The following ESPL1 variants were observed in gnomAD, a reference collection of about 807,000 sequenced individuals.
ESPL1 encodes separin.
A neutral mutation model predicts 217.2 loss-of-function variants in ESPL1; 50 were observed. That is an observed-to-expected ratio of 0.23 (90% CI 0.18 to 0.29). The LOEUF (loss-of-function observed/expected upper bound fraction) is 0.29, where lower values mean the gene tolerates loss of function less well. Ranked by LOEUF, ESPL1 falls within the 10% of genes least tolerant of loss-of-function variation. ESPL1 has a pLI of 1.00. For synonymous variants in ESPL1, 994 were observed against 1,081.3 expected, an observed-to-expected ratio of 0.92 and a Z score of 1.58; for missense variants, 1,834 against 2,603.0, an observed-to-expected ratio of 0.70 and a Z score of 6.43.
rs1053326431 is a variant in ESPL1, at chr12:53,269,611, G to C, written c.669G>C (p.Leu223=). The C allele has an allele frequency of 6.2e-7, 1 of 1,614,258 alleles. No homozygotes were observed. ...CAGATGCTGATTTCCTAGATGACCT[G>C]CTCTCCAGGCACGTGATCAGAGCCT... ...NEADADFLDD[L]LSRHVIRALV... The change falls in exon 3 of 31, where the codon CTG becomes CTC. Residue 223 remains leucine (L), a synonymous_variant. Coordinates refer to ENST00000257934, the MANE Select transcript of ESPL1 (RefSeq NM_012291.5). The surrounding 1 kb of genome is among the most constrained non-coding windows in gnomAD (Gnocchi z 6.7).
At chr12:53,281,757 T>C in intron 13 of ESPL1, 131 bp downstream of exon 13, 32 of 853,096 alleles carry the variant, frequency 3.8e-5, no homozygotes, top group South Asian at 1.3e-4. Flanking sequence ...GAGGCAGGCA[T>C]ATTTCCTAGC....
Position 53,279,719 on chromosome 12 carries a change from T to C in ESPL1, c.2365-13T>C. ...GCAGGGGTGGAGTAAACTTGGCTGC[T>C]TCTGCTGACCAGCCCATGCAGGCTC... On this transcript the variant is annotated splice_polypyrimidine_tract_variant and intron_variant, in intron 11 of 30. Transcript: ENST00000257934. The C allele has an allele frequency of 6.2e-7, 1 of 1,614,082 alleles. No individual in the cohort carries two copies. The highest frequency in any genetic ancestry group is 1.3e-5 in the African/African-American group (1 of 75,054).
In ESPL1 at chr12:53,269,987, C is replaced by A; in HGVS notation, c.1045C>A (p.Arg349=). Residue 349 remains arginine (R), a synonymous_variant, in exon 3 of 31, where the codon CGA becomes AGA. Coordinates refer to ENST00000257934, the MANE Select transcript of ESPL1 (RefSeq NM_012291.5). This position sits in a 1 kb window ranked among gnomAD's most constrained non-coding sequence, Gnocchi z 6.7. ...SCQFFLSGLE[R]GTKRRYRLDA... Reference sequence around the variant, plus strand: ...CCAGTTCTTCCTTTCAGGCCTGGAACGAGGCACCAAGAGGCGCTATAGACT... The same window carrying A: ...CCAGTTCTTCCTTTCAGGCCTGGAAAGAGGCACCAAGAGGCGCTATAGACT... The A allele has an allele frequency of 6.2e-7, 1 of 1,614,192 alleles. No individual in the cohort carries two copies. Among genetic ancestry groups the A allele is most frequent in the Non-Finnish European group, 8.5e-7 (1 of 1,180,036 alleles).
At chr12:53,284,386 C>T (rs1943911299) in intron 17 of ESPL1, among the ~76,000 whole-genome samples, 1 of 152,126 alleles carries the variant, frequency 6.6e-6, no homozygotes, top group African/African-American at 2.4e-5. Flanking sequence ...TCCCAAGTAG[C>T]TGGGACTACA....
chr12:53,268,994 A>C, intron 2 of ESPL1, 30 bp from the exon 3 acceptor site: 1 of 1,571,552 alleles, frequency 6.4e-7, no homozygotes, highest in Non-Finnish European at 8.7e-7. Flanking sequence ...TGCCTTTGCT[A>C]GCCCCATTCA....
At chr12:53,276,991 G>GGCGA in intron 8 of ESPL1, 92 bp from the exon 9 acceptor site, 1 of 1,563,404 alleles carries the variant, frequency 6.4e-7, no homozygotes, top group East Asian at 2.3e-5. Context: ...ACATGCAAAG[G>GGCGA]GCGAGGCCAG....
intron 4 of ESPL1, 68 bp downstream of exon 4, chr12:53,270,550 A>G (rs765538371): frequency 1.2e-4 from 26 of 225,600 alleles, no homozygotes; most frequent in Non-Finnish European, 1.3e-4. Context: ...CTGCCCTCAA[A>G]CAGCTTTGGG....
intron 1 of ESPL1, 48 bp from the exon 2 acceptor site, chr12:53,268,707 C>T: frequency 8.7e-7 from 1 of 1,152,442 alleles, no homozygotes; most frequent in Non-Finnish European, 1.3e-6. Context: ...TCCCTTCCTC[C>T]AGTTAGCTTC....
In ESPL1 at chr12:53,271,173, T is replaced by G. The variant is rs10657112; in HGVS notation, c.1369+375T>G. On this transcript the variant is annotated intron_variant, in intron 5 of 30. Coordinates refer to ENST00000257934, the MANE Select transcript of ESPL1 (RefSeq NM_012291.5). ...AATGACCTTTCTGTATATTTAAGTG[T>G]TTTTTTTTTTTTTTTTTTGAGACAA... Among the ~76,000 whole-genome samples, 62 of 9,460 alleles carry G rather than the reference T, an allele frequency of 6.6e-3. 2 individuals are homozygous for G. The highest frequency in any genetic ancestry group is 0.011 in the African/African-American group (7 of 610). The allele number at this position is 9,460 out of a possible 152,430, so 6.2% of individuals were successfully genotyped here.
At chr12:53,281,284 C>T (rs182051572) in intron 12 of ESPL1, among the ~76,000 whole-genome samples, 3 of 151,816 alleles carry the variant, frequency 2.0e-5, no homozygotes, top group Admixed American at 6.6e-5. Context: ...ATTACAGGCG[C>T]GTGCCACCAC....
Position 53,282,332 on chromosome 12 carries a change from T to G in ESPL1, c.2688T>G (p.Ala896=), listed in dbSNP as rs779745957. The stretch of plus-strand genomic sequence containing the variant: ...CTGCCCTCCAGAAGTCCTCCAAGGC[T>G]TGGTACTTGCTGCGTGTCCAGGTCC... ...RDPALQKSSK[A]WYLLRVQVLQ... Residue 896 remains alanine, a synonymous_variant, in exon 14 of 31, where the codon GCT becomes GCG. Transcript: ENST00000257934. The surrounding 1 kb of genome is among the most constrained non-coding windows in gnomAD (Gnocchi z 4.0). 12 of 1,614,038 alleles carry G rather than the reference T, an allele frequency of 7.4e-6. No homozygotes were observed. The highest frequency in any genetic ancestry group is 1.3e-5 in the African/African-American group (1 of 74,918).
chr12:53,284,476 G>A (rs941559360), intron 17 of ESPL1, among the ~76,000 whole-genome samples: 3 of 151,362 alleles, frequency 2.0e-5, no homozygotes, highest in Non-Finnish European at 2.9e-5. Flanking sequence ...GGCTGGTCTC[G>A]AACTCCTGAC....
In ESPL1 at chr12:53,281,020, T is replaced by G. The variant is rs1486969239; in HGVS notation, c.2500-487T>G. On this transcript the variant is annotated intron_variant, in intron 12 of 30. Transcript: ENST00000257934. ...AAAAAAAAAAGTGGTTAACCAAGTG[T>G]TAAATGGACATTTTAGAGAGTGAAT... 2.0e-5 allele frequency among the ~76,000 whole-genome samples: 3 copies of G among 151,958 alleles called. No homozygotes were observed. In the East Asian group the frequency reaches 5.8e-4, roughly 30 times the overall value.
intron 11 of ESPL1, 150 bp from the exon 12 acceptor site, chr12:53,279,582 T>A (rs139120998): frequency 1.2e-6 from 1 of 830,600 alleles, no homozygotes; most frequent in African/African-American, 1.7e-5. Context: ...ACAGTAGGGG[T>A]GGGGTGATGA....
At position 53,270,114 on chromosome 12, in the gene ESPL1, G is replaced by T. The variant is rs142735714; in HGVS notation, c.1143+29G>T. The T allele has an allele frequency of 3.5e-3, 5,420 of 1,561,284 alleles. 335 individuals carry two copies. In the Admixed American group the frequency reaches 0.092, roughly 27 times the overall value. ...AGTTAAGGACCTGGAGGTAGGGTGG[G>T]GACGTGGTCTGTGGACTCACTACCA... On this transcript the variant is annotated intron_variant, in intron 3 of 30. Transcript: ENST00000257934.
chr12:53,269,616 C>G lies in ESPL1; in HGVS notation c.674C>G (p.Ser225Cys). The change falls in exon 3 of 31, where the codon TCC becomes TGC. Residue 225 changes from serine (S) to cysteine (C), a missense_variant. By Grantham distance (112) the Ser-to-Cys change is moderately radical. Transcript: ENST00000257934. This position sits in a 1 kb window ranked among gnomAD's most constrained non-coding sequence, Gnocchi z 6.7. Reference protein sequence around the residue: ...ADADFLDDLLSRHVIRALVGE... With the variant: ...ADADFLDDLLCRHVIRALVGE... Reference sequence around the variant, plus strand: ...GCTGATTTCCTAGATGACCTGCTCTCCAGGCACGTGATCAGAGCCTTGGTG... The same window carrying G: ...GCTGATTTCCTAGATGACCTGCTCTGCAGGCACGTGATCAGAGCCTTGGTG... 1 of 1,614,228 alleles carries G rather than the reference C, an allele frequency of 6.2e-7. No homozygotes were observed. The highest frequency in any genetic ancestry group is 8.5e-7 in the Non-Finnish European group (1 of 1,180,048).
In ESPL1 at chr12:53,277,822, T is replaced by A; in HGVS notation, c.2226T>A (p.Ala742=). Residue 742 remains alanine (A), a splice_region_variant and synonymous_variant, in exon 11 of 31, where the codon GCT becomes GCA. Coordinates refer to ENST00000257934, the MANE Select transcript of ESPL1 (RefSeq NM_012291.5). The part of the protein sequence containing the change: ...NIAFNLAADA[A]QSKCLDQALA... ...AGTCATTTTCTTCTGGCTTAACAGC[T>A]CAGTCCAAATGCCTGGACCAAGCCC... is the stretch of plus-strand genomic sequence containing the variant. 6.2e-7 allele frequency: 1 copy of A among 1,613,774 alleles called. No homozygotes were observed. The highest frequency in any genetic ancestry group is 8.5e-7 in the Non-Finnish European group (1 of 1,179,846).
In ESPL1 at chr12:53,270,711, G is replaced by A; in HGVS notation, c.1282G>A (p.Asp428Asn). 4 of 1,614,096 alleles carry A rather than the reference G, an allele frequency of 2.5e-6. No homozygotes were observed. The highest frequency in any genetic ancestry group is 3.4e-6 in the Non-Finnish European group (4 of 1,180,004). ...TTTGGCTGACCTGACCCAACTAGTG[G>A]ACAGTTGTAAATCTACCGTTGTCTG... ...VDLADLTQLV[D>N]SCKSTVVWML... Residue 428 changes from aspartate to asparagine, a missense_variant, in exon 5 of 31, where the codon GAC becomes AAC. Asp to Asn is a conservative substitution (Grantham distance 23, BLOSUM62 1). Transcript: ENST00000257934.
chr12:53,286,784 C>A lies in ESPL1; in HGVS notation c.4048C>A (p.Pro1350Thr), dbSNP rs1943956113. ...AGGACTGCCCTGCACACCTAAACCC[C>A]CAGACCGGATCAGGCAAGCTGGCCC... Reference protein sequence around the residue: ...GRGLPCTPKPPDRIRQAGPHV... With the variant: ...GRGLPCTPKPTDRIRQAGPHV... The change falls in exon 18 of 31, where the codon CCA becomes ACA. Residue 1350 changes from proline (P) to threonine (T), a missense_variant. Pro to Thr is a conservative substitution (Grantham distance 38, BLOSUM62 -1). Coordinates refer to ENST00000257934, the MANE Select transcript of ESPL1 (RefSeq NM_012291.5). The surrounding 1 kb of genome is among the most constrained non-coding windows in gnomAD (Gnocchi z 5.3). 2 of 1,614,050 alleles carry A rather than the reference C, an allele frequency of 1.2e-6. No homozygotes were observed. The highest frequency in any genetic ancestry group is 2.7e-5 in the African/African-American group (2 of 74,928).
Sources: gnomAD v4.1 joint callset for allele counts (sites outside exome capture counted in the v4.1 genomes callset) on GRCh38, gnomAD v4.1.1 for gene constraint, Gnocchi (gnomAD v3.1) non-coding constraint, MANE v1.5 for transcripts, NCBI Gene and HGNC (gene_info 2026-07-23, HGNC 2026-07-21) for gene names.